Variants in ADAMTS9 observed in about 807,000 individuals in gnomAD.
ADAMTS9 encodes A disintegrin and metalloproteinase with thrombospondin motifs 9.
In ADAMTS9, 107 loss-of-function variants were observed where a neutral mutation model predicts 257.1. The observed-to-expected ratio is 0.42, with a 90% CI of 0.36 to 0.49. The LOEUF (loss-of-function observed/expected upper bound fraction) is 0.49. Among genes scored for constraint, ADAMTS9 ranks in the 20% least tolerant of loss-of-function variants. ADAMTS9 has a pLI of 0.03. For synonymous variants in ADAMTS9, 982 were observed against 880.9 expected (o/e 1.11, Z -2.03); for missense variants, 2,353 against 2,469.1 (o/e 0.95, Z 1.00).
At chr3:64,604,417 A>C in intron 23 of ADAMTS9, 86 bp from the exon 24 acceptor site, 1 of 996,286 alleles carries the variant, frequency 1.0e-6, no homozygotes, top group East Asian at 2.5e-5. Flanking sequence ...AAAAATGTAA[A>C]GGCTAAGAAT....
intron 32 of ADAMTS9, among the ~76,000 whole-genome samples, chr3:64,545,915 C>G (rs1331741078): frequency 6.6e-6 from 1 of 152,122 alleles, no homozygotes; most frequent in East Asian, 1.9e-4. Context: ...CTTTTCAAGA[C>G]TGAGAGCTGC....
chr3:64,679,491 G>A (rs1052103442), intron 3 of ADAMTS9, among the ~76,000 whole-genome samples: 3 of 152,040 alleles, frequency 2.0e-5, no homozygotes, highest in African/African-American at 7.2e-5. Flanking sequence ...TAAGCAAGGT[G>A]GTACATGTAC....
intron 3 of ADAMTS9, 150 bp from the exon 4 acceptor site, chr3:64,658,941 C>G: frequency 3.9e-6 from 3 of 766,902 alleles, no homozygotes; most frequent in Non-Finnish European, 6.2e-6. Flanking sequence ...CACCTCAATC[C>G]GTACTCCCAC....
At chr3:64,522,491 T>C in intron 38 of ADAMTS9, 1 of 370,292 alleles carries the variant, frequency 2.7e-6, no homozygotes. Flanking sequence ...ATGATTTTTA[T>C]ATTTTTAAAT....
chr3:64,577,795 T>G (rs550429018), intron 28 of ADAMTS9, among the ~76,000 whole-genome samples: 2 of 152,210 alleles, frequency 1.3e-5, no homozygotes, highest in Admixed American at 6.5e-5. Flanking sequence ...AAGTGATCCA[T>G]GTACCTAACC....
At chr3:64,592,711 T>C (rs2084285429) in intron 28 of ADAMTS9, 1 of 152,136 alleles carries the variant, frequency 6.6e-6, no homozygotes, top group South Asian at 2.1e-4. Flanking sequence ...TTTCTTTTTT[T>C]CACCAAACCA....
intron 28 of ADAMTS9, among the ~76,000 whole-genome samples, chr3:64,575,692 G>A (rs2083823871): frequency 6.6e-6 from 1 of 152,160 alleles, no homozygotes. Flanking sequence ...GGTGCCACTA[G>A]GGGCAAGTGA....
At chr3:64,660,811 TA>T (rs1464714414) in intron 3 of ADAMTS9, among the ~76,000 whole-genome samples, 1 of 151,992 alleles carries the variant, frequency 6.6e-6, no homozygotes, top group East Asian at 1.9e-4. Context: ...CCCAACTTAA[TA>T]AGCAAAGAAA....
In ADAMTS9 at chr3:64,668,592, T is replaced by C. The variant is rs555894822; in HGVS notation, c.680-9801A>G. Among the ~76,000 whole-genome samples the C allele has an allele frequency of 2.0e-4, 31 of 152,236 alleles. No homozygotes were observed. In the East Asian group the frequency reaches 3.9e-3, roughly 19 times the overall value. ...TGATAGTTCATGCCTAATAGGGCAG[T>C]AGGGAAGGTGAAATGACTTAGTCTA... On this transcript the variant is annotated intron_variant, in intron 3 of 39. Coordinates refer to ENST00000498707, the MANE Select transcript of ADAMTS9 (RefSeq NM_182920.2).
chr3:64,649,123 T>C (rs991958230), intron 10 of ADAMTS9, among the ~76,000 whole-genome samples: 2 of 151,992 alleles, frequency 1.3e-5, no homozygotes, highest in African/African-American at 4.8e-5. Flanking sequence ...AGCAAAACTA[T>C]CACACAGCCA....
At chr3:64,674,525 G>A (rs1576184137) in intron 3 of ADAMTS9, among the ~76,000 whole-genome samples, 1 of 152,304 alleles carries the variant, frequency 6.6e-6, no homozygotes, top group African/African-American at 2.4e-5. Context: ...AGGAGTAAAT[G>A]AAATAACCAT....
rs757863712 is a variant in ADAMTS9 at position 64,655,614 on chromosome 3, T to C, written c.1131A>G (p.Pro377=). Residue 377 remains proline, a synonymous_variant, in exon 6 of 40, where the codon CCA becomes CCG. Coordinates refer to ENST00000498707, the MANE Select transcript of ADAMTS9 (RefSeq NM_182920.2). ...FCQWQHSKNS[P]GGIHHDTAVL... is the part of the protein sequence containing the mutation. ...CAGCAGTATCATGATGGATTCCACC[T>C]GGACTGTTCTTCGAATGCTGCCACT... 6.2e-7 allele frequency: 1 copy of C among 1,614,174 alleles called. No homozygotes were observed. The highest frequency in any genetic ancestry group is 8.5e-7 in the Non-Finnish European group (1 of 1,180,012).
rs75252996 is a variant in ADAMTS9, at chr3:64,634,041, C to A, written c.1857-162G>T. 5.4e-3 allele frequency among the ~76,000 whole-genome samples: 827 copies of A among 152,044 alleles called. 8 individuals carry two copies. The highest frequency in any genetic ancestry group is 0.019 in the African/African-American group (787 of 41,474). On this transcript the variant is annotated intron_variant, in intron 12 of 39. Transcript: ENST00000498707. Reference sequence around the variant, plus strand: ...CTCTGATCCCTGGTTTTGCATCCTGCCTTCAATACCATGATGTGTATAACC... The same window carrying A: ...CTCTGATCCCTGGTTTTGCATCCTGACTTCAATACCATGATGTGTATAACC...
intron 11 of ADAMTS9, among the ~76,000 whole-genome samples, chr3:64,646,270 C>T (rs752532171): frequency 6.6e-6 from 1 of 152,184 alleles, no homozygotes; most frequent in Non-Finnish European, 1.5e-5. Context: ...TTGTCATCTC[C>T]TACCAACTGG....
At chr3:64,641,772 C>A in intron 12 of ADAMTS9, 76 bp downstream of exon 12, 1 of 1,569,064 alleles carries the variant, frequency 6.4e-7, no homozygotes, top group Non-Finnish European at 8.7e-7. Flanking sequence ...GTACTCTTCA[C>A]CCACCAAATT....
At chr3:64,606,785 G>A (rs1164230892) in intron 23 of ADAMTS9, among the ~76,000 whole-genome samples, 175 bp downstream of exon 23, 3 of 152,186 alleles carry the variant, frequency 2.0e-5, no homozygotes, top group East Asian at 1.9e-4. Context: ...GAACAAAACT[G>A]ACACAAGATA....
chr3:64,655,523 C>A, intron 6 of ADAMTS9, 53 bp downstream of exon 6: 2 of 1,415,434 alleles, frequency 1.4e-6, no homozygotes, highest in Non-Finnish European at 2.0e-6. Context: ...ATGACCACAT[C>A]CCATCAACTT....
At chr3:64,602,335 G>T in intron 25 of ADAMTS9, 122 bp from the exon 26 acceptor site, 1 of 1,097,708 alleles carries the variant, frequency 9.1e-7, no homozygotes, top group Non-Finnish European at 1.3e-6. Context: ...AAAAACCTTG[G>T]AATCACCCTT....
chr3:64,606,062 A>G (rs1252460366), intron 23 of ADAMTS9, among the ~76,000 whole-genome samples: 1 of 152,202 alleles, frequency 6.6e-6, no homozygotes, highest in Non-Finnish European at 1.5e-5. Flanking sequence ...GGGTAGGATG[A>G]AAGTGGAATG....
Sources: gnomAD v4.1 joint callset for allele counts (sites outside exome capture counted in the v4.1 genomes callset) on GRCh38, gnomAD v4.1.1 for gene constraint, MANE v1.5 for transcripts, NCBI Gene and HGNC (gene_info 2026-07-23, HGNC 2026-07-21) for gene names.